Variants in PTPRD observed in about 807,000 individuals in gnomAD.
PTPRD encodes protein tyrosine phosphatase receptor type D.
PTPRD carries 34 observed loss-of-function variants against 214.5 expected under a neutral mutation model. The ratio of observed to expected loss-of-function variants is 0.16; its 90% confidence interval spans 0.12 to 0.21. The LOEUF (loss-of-function observed/expected upper bound fraction) is 0.21. Ranked by LOEUF, PTPRD falls within the 10% of genes least tolerant of loss-of-function variation. The pLI is 1.00. For synonymous variants in PTPRD, 1,128 were observed against 845.7 expected, an observed-to-expected ratio of 1.33 and a Z score of -5.79; for missense variants, 2,545 against 2,398.7, an observed-to-expected ratio of 1.06 and a Z score of -1.27.
At chr9:10,106,867 G>A (rs2154220330) in intron 3 of PTPRD, among the ~76,000 whole-genome samples, 1 of 151,956 alleles carries the variant, frequency 6.6e-6, no homozygotes, top group East Asian at 1.9e-4. Flanking sequence ...CATACAGAAA[G>A]GAAAGGGAGA....
intron 3 of PTPRD, among the ~76,000 whole-genome samples, chr9:10,107,955 C>T (rs2098651161): frequency 6.6e-6 from 1 of 152,038 alleles, no homozygotes; most frequent in African/African-American, 2.4e-5. Flanking sequence ...GTCATTGGTT[C>T]TGATCATTCA....
At chr9:9,490,252 C>T (rs1040077165) in intron 8 of PTPRD, among the ~76,000 whole-genome samples, 1 of 151,912 alleles carries the variant, frequency 6.6e-6, no homozygotes, top group South Asian at 2.1e-4. Context: ...GCAAAAAAAG[C>T]TCAAGGGAAT....
chr9:10,355,071 T>A (rs1031253298), intron 2 of PTPRD, among the ~76,000 whole-genome samples: 1 of 152,238 alleles, frequency 6.6e-6, no homozygotes, highest in Admixed American at 6.5e-5. Flanking sequence ...TAAATCATTA[T>A]ATATTTCTAC....
intron 7 of PTPRD, among the ~76,000 whole-genome samples, chr9:9,705,330 AG>A (rs2097578869): frequency 6.6e-6 from 1 of 152,342 alleles, no homozygotes; most frequent in East Asian, 1.9e-4. Flanking sequence ...TATCTTAATT[AG>A]ATGGAGAATT....
intron 11 of PTPRD, among the ~76,000 whole-genome samples, chr9:8,798,910 T>C (rs1429657531): frequency 1.3e-5 from 2 of 152,142 alleles, no homozygotes; most frequent in Non-Finnish European, 2.9e-5. Flanking sequence ...GATGTCATAA[T>C]AACGACTCAG....
chr9:8,330,946 C>T (rs1220696055), intron 44 of PTPRD, among the ~76,000 whole-genome samples: 1 of 151,634 alleles, frequency 6.6e-6, no homozygotes, highest in Non-Finnish European at 1.5e-5. Context: ...AAGGTTTTTG[C>T]ATAGCAACTT....
intron 9 of PTPRD, among the ~76,000 whole-genome samples, chr9:9,225,564 G>A (rs930249133): frequency 8.5e-5 from 13 of 152,166 alleles, no homozygotes; most frequent in African/African-American, 3.1e-4. Flanking sequence ...AATGCTATCA[G>A]TGTCTTGAAC....
chr9:9,559,719 G>A (rs2154291208), intron 8 of PTPRD, among the ~76,000 whole-genome samples: 2 of 152,306 alleles, frequency 1.3e-5, no homozygotes, highest in Admixed American at 1.3e-4. Context: ...AACTGTTCCT[G>A]GCTCTCTGGA....
intron 3 of PTPRD, among the ~76,000 whole-genome samples, chr9:10,107,652 A>G (rs1466002247): frequency 6.6e-6 from 1 of 152,128 alleles, no homozygotes; most frequent in Non-Finnish European, 1.5e-5. Context: ...TTCAATAAAT[A>G]TAAGTTTAAT....
At chr9:10,352,408 C>T (rs2097198453) in intron 2 of PTPRD, among the ~76,000 whole-genome samples, 1 of 151,922 alleles carries the variant, frequency 6.6e-6, no homozygotes, top group Non-Finnish European at 1.5e-5. Flanking sequence ...ATTCTTCTTC[C>T]ATCCTCTCTA....
chr9:8,893,438 AC>A (rs1232649280), intron 11 of PTPRD, among the ~76,000 whole-genome samples: 1 of 152,194 alleles, frequency 6.6e-6, no homozygotes, highest in African/African-American at 2.4e-5. Context: ...CCAAGAAAGG[AC>A]CATGATGCTC....
intron 34 of PTPRD, among the ~76,000 whole-genome samples, chr9:8,446,974 T>G (rs2095756051): frequency 6.6e-6 from 1 of 152,206 alleles, no homozygotes; most frequent in Non-Finnish European, 1.5e-5. Context: ...AATGGTCACA[T>G]CTCTATGAAT....
rs760906022 is a variant in PTPRD at position 8,484,160 on chromosome 9, A to G, written c.3372T>C (p.Ile1124=). The G allele has an allele frequency of 2.5e-6, 4 of 1,614,184 alleles. No individual in the cohort carries two copies. Among genetic ancestry groups the G allele is most frequent in the Middle Eastern group, 3.3e-4 (2 of 6,062 alleles). Residue 1124 remains isoleucine (I), a synonymous_variant, in exon 30 of 46, where the codon ATT becomes ATC. Coordinates refer to ENST00000381196, the MANE Select transcript of PTPRD (RefSeq NM_002839.4). ...FIGKTNLDGM[I]TVQLPEVPAN... ...CAGGTACTTCAGGCAGTTGCACAGT[A>G]ATCATGCCATCCAAGTTGGTCTTCC... is the stretch of plus-strand genomic sequence containing the variant.
chr9:9,837,263 CTA>C (rs774909088), intron 5 of PTPRD, among the ~76,000 whole-genome samples: 8 of 152,060 alleles, frequency 5.3e-5, no homozygotes, highest in Admixed American at 2.6e-4. Flanking sequence ...GTAGCTGACA[CTA>C]GGTGAGTGAT....
At chr9:8,837,627 G>C (rs2097461064) in intron 11 of PTPRD, among the ~76,000 whole-genome samples, 1 of 152,006 alleles carries the variant, frequency 6.6e-6, no homozygotes, top group Non-Finnish European at 1.5e-5. Context: ...CTCTCAAGTA[G>C]CTGGTATTAC....
intron 11 of PTPRD, among the ~76,000 whole-genome samples, chr9:8,962,538 A>AGAGAGAG: frequency 6.7e-6 from 1 of 149,708 alleles, no homozygotes; most frequent in East Asian, 2.0e-4. Context: ...AGAAGAGAGA[A>AGAGAGAG]AGAGAGAGAG....
chr9:10,378,682 T>C (rs981942104), intron 2 of PTPRD, among the ~76,000 whole-genome samples: 2 of 152,030 alleles, frequency 1.3e-5, no homozygotes, highest in African/African-American at 4.8e-5. Context: ...TATGTGTCTG[T>C]TTTTATTCCA....
intron 2 of PTPRD, among the ~76,000 whole-genome samples, chr9:10,481,747 G>A (rs1401524630): frequency 6.6e-6 from 1 of 152,074 alleles, no homozygotes; most frequent in African/African-American, 2.4e-5. Flanking sequence ...TATTAAAATT[G>A]GCTAAAAATC....
At chr9:9,963,704 G>C (rs570255389) in intron 4 of PTPRD, among the ~76,000 whole-genome samples, 53 of 152,240 alleles carry the variant, frequency 3.5e-4, no homozygotes, top group Admixed American at 6.5e-4. Context: ...CCCAAGTTCA[G>C]ACCAAGAAGG....
Sources: allele counts gnomAD v4.1 joint callset (sites outside exome capture counted in the v4.1 genomes callset), GRCh38; gene constraint gnomAD v4.1.1; transcripts MANE v1.5; gene names NCBI Gene and HGNC (gene_info 2026-07-23, HGNC 2026-07-21).